Variants in DPP10 observed in about 807,000 individuals in gnomAD.
The protein encoded by DPP10 is dipeptidyl peptidase like 10.
A neutral mutation model predicts 120.9 loss-of-function variants in DPP10; 33 were observed. That is an observed-to-expected ratio of 0.27 (90% CI 0.21 to 0.37). DPP10 has a LOEUF of 0.37. Among genes scored for constraint, DPP10 ranks in the 10% least tolerant of loss-of-function variants. The pLI is 1.00. For synonymous variants in DPP10, 337 were observed against 326.1 expected (o/e 1.03, Z -0.36); for missense variants, 816 against 942.8 (o/e 0.87, Z 1.76).
At chr2:115,343,985 T>C in intron 3 of DPP10, 73 bp downstream of exon 3, 1 of 1,296,454 alleles carries the variant, frequency 7.7e-7, no homozygotes, top group Non-Finnish European at 1.1e-6. Context: ...AAATGAGATG[T>C]GTAAGCTGGG....
At chr2:114,927,504 CTA>C (rs1341563369) in intron 1 of DPP10, among the ~76,000 whole-genome samples, 1 of 151,982 alleles carries the variant, frequency 6.6e-6, no homozygotes, top group Non-Finnish European at 1.5e-5. Context: ...TGAGGGACTT[CTA>C]TGTCACAGGT....
intron 5 of DPP10, among the ~76,000 whole-genome samples, chr2:115,627,326 A>C (rs2085443678): frequency 6.6e-6 from 1 of 152,072 alleles, no homozygotes; most frequent in Non-Finnish European, 1.5e-5. Flanking sequence ...ATTCATACTC[A>C]CATATGGCAT....
chr2:115,567,870 A>G (rs1199586498), intron 5 of DPP10, among the ~76,000 whole-genome samples: 1 of 152,210 alleles, frequency 6.6e-6, no homozygotes, highest in Non-Finnish European at 1.5e-5. Flanking sequence ...CATACTTTTA[A>G]ATTTTTGTTA....
chr2:114,543,748 C>CTT (rs1022619567), intron 1 of DPP10, among the ~76,000 whole-genome samples: 1 of 146,356 alleles, frequency 6.8e-6, no homozygotes. Flanking sequence ...GGCCTGAACT[C>CTT]TTTTTTTTTT....
chr2:115,534,011 G>T (rs995381834), intron 5 of DPP10, among the ~76,000 whole-genome samples: 1 of 151,982 alleles, frequency 6.6e-6, no homozygotes, highest in Non-Finnish European at 1.5e-5. Context: ...AATATTTTTG[G>T]AAGCCAGTAT....
chr2:115,636,637 A>T (rs2086357754), intron 5 of DPP10, among the ~76,000 whole-genome samples: 1 of 152,158 alleles, frequency 6.6e-6, no homozygotes, highest in East Asian at 1.9e-4. Flanking sequence ...AGAAAAAGTG[A>T]GAGAAATGAA....
chr2:115,842,001 C>A (rs1381706231), intron 25 of DPP10, among the ~76,000 whole-genome samples: 1 of 152,106 alleles, frequency 6.6e-6, no homozygotes, highest in African/African-American at 2.4e-5. Flanking sequence ...CCTTTTATGG[C>A]CAACATATTC....
intron 1 of DPP10, among the ~76,000 whole-genome samples, chr2:114,773,931 ATATT>A (rs1399211270): frequency 1.3e-5 from 2 of 152,080 alleles, no homozygotes; most frequent in African/African-American, 4.8e-5. Context: ...CAAAAAGTAT[ATATT>A]TATAGCTTTT....
rs561746322 is a variant in DPP10, at chr2:115,195,387, T to A, written c.61-113852T>A. Among the ~76,000 whole-genome samples, 22 of 152,288 alleles carry A rather than the reference T, an allele frequency of 1.4e-4. No individual in the cohort carries two copies. In the South Asian group the frequency reaches 3.9e-3, roughly 27 times the overall value. On this transcript the variant is annotated intron_variant, in intron 1 of 25. Coordinates refer to ENST00000410059, the MANE Select transcript of DPP10 (RefSeq NM_020868.6). The stretch of plus-strand genomic sequence containing the variant: ...TGATAGGGATTGCAACTGTGGAAGG[T>A]AAACAAATAAGCAATTTTGCTCATT...
intron 1 of DPP10, among the ~76,000 whole-genome samples, chr2:114,646,330 A>C (rs1416095283): frequency 1.3e-5 from 2 of 152,148 alleles, no homozygotes; most frequent in African/African-American, 4.8e-5. Context: ...ACCATGAGAC[A>C]AAATGAATGG....
intron 19 of DPP10, among the ~76,000 whole-genome samples, chr2:115,794,607 C>A (rs1028999390): frequency 2.0e-5 from 3 of 152,062 alleles, no homozygotes; most frequent in African/African-American, 7.2e-5. Flanking sequence ...GAAGCATTGG[C>A]ACCATAGATG....
intron 8 of DPP10, among the ~76,000 whole-genome samples, chr2:115,736,815 G>A (rs1307479691): frequency 1.3e-5 from 2 of 152,156 alleles, no homozygotes; most frequent in Non-Finnish European, 2.9e-5. Flanking sequence ...GTACTTGGCA[G>A]TCATCTTGTC....
chr2:115,753,074 G>T, intron 10 of DPP10, 100 bp from the exon 11 acceptor site: 1 of 1,077,866 alleles, frequency 9.3e-7, no homozygotes, highest in Non-Finnish European at 1.3e-6. Flanking sequence ...TCCTTATAGT[G>T]GTTCAGTTAT....
chr2:114,746,684 A>G (rs1678607669), intron 1 of DPP10, among the ~76,000 whole-genome samples: 1 of 152,154 alleles, frequency 6.6e-6, no homozygotes, highest in Admixed American at 6.5e-5. Flanking sequence ...CTTCCTTTGC[A>G]TTTGATGAGC....
intron 1 of DPP10, among the ~76,000 whole-genome samples, chr2:115,225,529 GTA>G (rs1559271801): frequency 3.3e-5 from 5 of 151,630 alleles, no homozygotes; most frequent in African/African-American, 1.2e-4. Context: ...GTGTGTGTGT[GTA>G]TGCATGTATA....
intron 3 of DPP10, among the ~76,000 whole-genome samples, chr2:115,411,335 A>G (rs1342452673): frequency 6.6e-6 from 1 of 152,176 alleles, no homozygotes; most frequent in African/African-American, 2.4e-5. Context: ...CCGTCTCAAA[A>G]AAAAAGGAGA....
chr2:115,802,934 A>G (rs1685444362), intron 19 of DPP10, among the ~76,000 whole-genome samples: 1 of 152,180 alleles, frequency 6.6e-6, no homozygotes, highest in African/African-American at 2.4e-5. Context: ...AGTTCTGTAG[A>G]TGTCTATTAG....
intron 3 of DPP10, among the ~76,000 whole-genome samples, chr2:115,407,699 T>C (rs1215622884): frequency 3.9e-5 from 6 of 152,118 alleles, no homozygotes; most frequent in African/African-American, 1.4e-4. Flanking sequence ...TTTACCTTTT[T>C]GCCAGCGTGT....
chr2:115,195,346 C>T (rs745874194), intron 1 of DPP10, among the ~76,000 whole-genome samples: 4 of 152,124 alleles, frequency 2.6e-5, no homozygotes, highest in African/African-American at 4.8e-5. Flanking sequence ...CCCTAAAACC[C>T]GTAGAGACGA....
Sources: gnomAD v4.1 joint callset for allele counts (sites outside exome capture counted in the v4.1 genomes callset) on GRCh38, gnomAD v4.1.1 for gene constraint, MANE v1.5 for transcripts, NCBI Gene and HGNC (gene_info 2026-07-23, HGNC 2026-07-21) for gene names.